The following CCDC192 variants were observed in gnomAD, a reference collection of about 807,000 sequenced individuals.
CCDC192 encodes the protein coiled-coil domain-containing protein 192.
intron 5 of CCDC192, among the ~76,000 whole-genome samples, chr5:127,809,151 A>G (rs1057205221): frequency 4.6e-5 from 7 of 152,164 alleles, no homozygotes; most frequent in Non-Finnish European, 7.4e-5. Context: ...TATTAACTAT[A>G]ATGTTTAATT....
intron 2 of CCDC192, among the ~76,000 whole-genome samples, chr5:127,721,861 G>C (rs114519394): frequency 0.017 from 2,537 of 152,210 alleles, 71 homozygotes; most frequent in African/African-American, 0.058. Context: ...GCGGGGAGGT[G>C]CCACACACTT....
At chr5:127,804,202 T>C (rs1261683794) in intron 5 of CCDC192, among the ~76,000 whole-genome samples, 1 of 152,240 alleles carries the variant, frequency 6.6e-6, no homozygotes, top group Non-Finnish European at 1.5e-5. Context: ...ACAGAGGACA[T>C]GGCCTGTTTC....
intron 2 of CCDC192, among the ~76,000 whole-genome samples, chr5:127,719,524 T>TATATATATATATATACAC (rs1561444898): frequency 1.1e-5 from 1 of 88,242 alleles, no homozygotes; most frequent in African/African-American, 4.6e-5. Flanking sequence ...TATATATATA[T>TATATATATATATATACAC]ACACACATAC....
At chr5:127,854,690 C>T (rs1041900454) in intron 5 of CCDC192, among the ~76,000 whole-genome samples, 7 of 152,152 alleles carry the variant, frequency 4.6e-5, no homozygotes, top group African/African-American at 7.2e-5. Context: ...GTCACATACA[C>T]GCATACCTCA....
intron 5 of CCDC192, among the ~76,000 whole-genome samples, chr5:127,856,125 A>C (rs963650980): frequency 6.6e-6 from 1 of 152,208 alleles, no homozygotes; most frequent in African/African-American, 2.4e-5. Context: ...CTGTGTTGTC[A>C]CCATTGAAAA....
intron 6 of CCDC192, among the ~76,000 whole-genome samples, chr5:127,896,455 C>T (rs530134003): frequency 5.4e-5 from 8 of 149,288 alleles, no homozygotes; most frequent in South Asian, 2.1e-4. Context: ...TTTCTTGAGA[C>T]GGAGTTTCGC....
chr5:127,756,058 G>A (rs1422550774), intron 3 of CCDC192, among the ~76,000 whole-genome samples: 1 of 151,990 alleles, frequency 6.6e-6, no homozygotes, highest in African/African-American at 2.4e-5. Context: ...GCGTGAACCC[G>A]GGAGGCGGAG....
chr5:127,893,844 C>T (rs928097429), intron 6 of CCDC192, among the ~76,000 whole-genome samples: 2 of 151,702 alleles, frequency 1.3e-5, no homozygotes. Context: ...AAAAATTCAG[C>T]AATAATGCAT....
chr5:127,772,825 T>C (rs1755641017), intron 3 of CCDC192, among the ~76,000 whole-genome samples: 1 of 152,048 alleles, frequency 6.6e-6, no homozygotes, highest in Admixed American at 6.6e-5. Context: ...CCAAGTTGGG[T>C]TTTAGTTAGC....
intron 6 of CCDC192, among the ~76,000 whole-genome samples, chr5:127,876,678 T>C (rs1752093457): frequency 6.6e-6 from 1 of 152,220 alleles, no homozygotes; most frequent in African/African-American, 2.4e-5. Context: ...TTACTCTGGC[T>C]TTCTTTATTA....
intron 5 of CCDC192, among the ~76,000 whole-genome samples, chr5:127,852,525 T>C (rs1750844212): frequency 1.3e-5 from 2 of 152,266 alleles, no homozygotes; most frequent in South Asian, 2.1e-4. Context: ...TTCACCCAGA[T>C]ATCTCCATCT....
At chr5:127,862,990 T>G (rs1469112442) in intron 5 of CCDC192, among the ~76,000 whole-genome samples, 6 of 150,748 alleles carry the variant, frequency 4.0e-5, no homozygotes, top group African/African-American at 2.4e-5. Flanking sequence ...AAGCTTAACT[T>G]ACAAATCTGT....
chr5:127,847,165 C>A (rs1750590607), intron 5 of CCDC192, among the ~76,000 whole-genome samples: 1 of 152,186 alleles, frequency 6.6e-6, no homozygotes, highest in Non-Finnish European at 1.5e-5. Context: ...TCATTACTTT[C>A]CCCCATGCAC....
chr5:127,833,420 T>C (rs1450433653), intron 5 of CCDC192, among the ~76,000 whole-genome samples: 1 of 152,176 alleles, frequency 6.6e-6, no homozygotes, highest in African/African-American at 2.4e-5. Context: ...GAATGATCTC[T>C]TCTGGTCTCT....
intron 3 of CCDC192, among the ~76,000 whole-genome samples, chr5:127,794,458 A>C (rs1394425751): frequency 2.0e-5 from 3 of 152,250 alleles, no homozygotes; most frequent in African/African-American, 7.2e-5. Context: ...ATACTAAAAT[A>C]AATTTGAAAA....
chr5:127,714,321 T>C (rs1410356541), intron 2 of CCDC192, among the ~76,000 whole-genome samples: 1 of 152,218 alleles, frequency 6.6e-6, no homozygotes, highest in Non-Finnish European at 1.5e-5. Flanking sequence ...AGATATCTCT[T>C]TGACATACTA....
chr5:127,886,076 T>G (rs1277996960), intron 6 of CCDC192, among the ~76,000 whole-genome samples: 1 of 152,188 alleles, frequency 6.6e-6, no homozygotes, highest in East Asian at 1.9e-4. Flanking sequence ...CTGGCAAGAC[T>G]GAAAATGTTA....
chr5:127,863,332 A>G (rs541581048), intron 5 of CCDC192, among the ~76,000 whole-genome samples: 2 of 152,354 alleles, frequency 1.3e-5, no homozygotes, highest in South Asian at 2.1e-4. Context: ...TTAAACAGGA[A>G]GGAAATGCTG....
intron 6 of CCDC192, among the ~76,000 whole-genome samples, chr5:127,940,175 G>A (rs1445341529): frequency 1.3e-5 from 2 of 152,084 alleles, no homozygotes; most frequent in African/African-American, 4.8e-5. Flanking sequence ...TCTGACTCAG[G>A]CCTTTATCCT....
Sources: allele counts gnomAD v4.1 joint callset (sites outside exome capture counted in the v4.1 genomes callset), GRCh38; gene constraint gnomAD v4.1.1; transcripts MANE v1.5; gene names NCBI Gene and HGNC (gene_info 2026-07-23, HGNC 2026-07-21).